EHMT1: variants seen among roughly 807,000 people sequenced by gnomAD.
The protein encoded by EHMT1 is histone-lysine N-methyltransferase EHMT1.
A neutral mutation model predicts 147.2 loss-of-function variants in EHMT1; 15 were observed. The ratio of observed to expected loss-of-function variants is 0.10; its 90% CI spans 0.07 to 0.16. The LOEUF (loss-of-function observed/expected upper bound fraction) is 0.16. EHMT1 is among the 10% of genes least tolerant of loss of function. EHMT1 has a pLI of 1.00. For synonymous variants in EHMT1, 795 were observed against 709.6 expected, an observed-to-expected ratio of 1.12 and a Z score of -1.91; for missense variants, 1,587 against 1,772.4, an observed-to-expected ratio of 0.90 and a Z score of 1.88.
rs532595235 is a variant in EHMT1, at chr9:137,749,027, A to G, written c.1171-3304A>G. Reference sequence around the variant, plus strand: ...TGGACCCTCTCCCCTCTTAGCCTGAATCTGTTAGTGAGCCTGGTGTCCAGA... The same window carrying G: ...TGGACCCTCTCCCCTCTTAGCCTGAGTCTGTTAGTGAGCCTGGTGTCCAGA... On this transcript the variant is annotated intron_variant, in intron 6 of 26. Coordinates refer to ENST00000460843, the MANE Select transcript of EHMT1 (RefSeq NM_024757.5). Among the ~76,000 whole-genome samples the G allele has an allele frequency of 4.6e-5, 7 of 152,110 alleles. No individual in the cohort carries two copies. The South Asian group carries it at 1.5e-3, about 32-fold the overall frequency.
chr9:137,726,632 G>A (rs956575363), intron 3 of EHMT1, among the ~76,000 whole-genome samples: 22 of 152,116 alleles, frequency 1.4e-4, no homozygotes, highest in South Asian at 4.1e-4. Flanking sequence ...GCTGGGGCAC[G>A]TGCCCAGCAG....
intron 25 of EHMT1, among the ~76,000 whole-genome samples, chr9:137,832,033 A>C (rs1328118901): frequency 1.5e-5 from 2 of 137,076 alleles, no homozygotes; most frequent in South Asian, 2.5e-4. Context: ...ACTTCGCCCC[A>C]GTCCTAGGAT....
chr9:137,743,627 G>A, intron 5 of EHMT1, 99 bp downstream of exon 5: 1 of 1,550,710 alleles, frequency 6.4e-7, no homozygotes, highest in African/African-American at 1.4e-5. Flanking sequence ...CAGTCCCCGG[G>A]AAGGTGCCAG....
chr9:137,817,080 G>A (rs927789122), intron 23 of EHMT1: 1 of 333,934 alleles, frequency 3.0e-6, no homozygotes, highest in East Asian at 7.5e-5. Context: ...GGCTGCAGGT[G>A]TCACCACAGC....
intron 18 of EHMT1, chr9:137,803,289 C>G: frequency 9.9e-7 from 1 of 1,009,664 alleles, no homozygotes; most frequent in Non-Finnish European, 1.2e-6. Flanking sequence ...AATTTTCACC[C>G]AGAAGCCATT....
rs146980173 is a variant in EHMT1 at position 137,678,595 on chromosome 9, G to T, written c.22-32372G>T. ...ATACCTTCTGAGATCCCTAGCTGAT[G>T]CCTGAAATCACAGATAGTACTGAAC... On this transcript the variant is annotated intron_variant, in intron 1 of 26. Transcript: ENST00000460843. Among the ~76,000 whole-genome samples, 29 of 152,200 alleles carry T rather than the reference G, an allele frequency of 1.9e-4. No homozygotes were observed. In the East Asian group the frequency reaches 4.2e-3, roughly 22 times the overall value.
intron 18 of EHMT1, among the ~76,000 whole-genome samples, chr9:137,805,115 CTGCATGTGTGTGT>C (rs1265129552): frequency 6.6e-6 from 1 of 151,320 alleles, no homozygotes; most frequent in African/African-American, 2.4e-5. Flanking sequence ...AGTCAGTCAT[CTGCATGTGTGTGT>C]CTCTCATCCG....
intron 1 of EHMT1, among the ~76,000 whole-genome samples, chr9:137,710,528 C>T (rs1012385025): frequency 1.3e-5 from 2 of 151,602 alleles, no homozygotes; most frequent in African/African-American, 4.8e-5. Context: ...TGCTTAATCT[C>T]AAAGATTTAG....
intron 25 of EHMT1, among the ~76,000 whole-genome samples, chr9:137,824,379 T>G (rs373179337): frequency 1.3e-5 from 2 of 152,244 alleles, no homozygotes; most frequent in East Asian, 3.8e-4. Context: ...TATTTGCTGA[T>G]CCTCAAACAA....
intron 16 of EHMT1, among the ~76,000 whole-genome samples, chr9:137,793,664 G>A (rs1230867189): frequency 2.0e-5 from 3 of 152,220 alleles, no homozygotes; most frequent in South Asian, 2.1e-4. Flanking sequence ...AGATGCCTGC[G>A]TCAGCACATT....
In EHMT1 at chr9:137,834,059, G is replaced by A. The variant is rs569274043; in HGVS notation, c.3541-290G>A. On this transcript the variant is annotated intron_variant, in intron 25 of 26. Coordinates refer to ENST00000460843, the MANE Select transcript of EHMT1 (RefSeq NM_024757.5). ...GATGGCGCTGTCCACATTCCACCGC[G>A]CTGGAAGCCCCATGGGGACGCCGTC... 5 of 510,500 alleles carry A rather than the reference G, an allele frequency of 9.8e-6. No homozygotes were observed. The Admixed American group carries it at 1.3e-4, about 13-fold the overall frequency. The allele number at this position is 510,500 out of a possible 1,614,324, so 31.6% of individuals were successfully genotyped here. A position where few individuals can be genotyped will look rare whatever the true frequency, so the allele number is the denominator to read the frequency against.
At chr9:137,790,208 T>C (rs1270174698) in intron 15 of EHMT1, among the ~76,000 whole-genome samples, 7 of 152,268 alleles carry the variant, frequency 4.6e-5, no homozygotes, top group African/African-American at 1.4e-4. Context: ...ACTAGGTCTT[T>C]GTCATCTAAG....
At chr9:137,665,222 T>G (rs1939502995) in intron 1 of EHMT1, among the ~76,000 whole-genome samples, 1 of 152,226 alleles carries the variant, frequency 6.6e-6, no homozygotes, top group East Asian at 1.9e-4. Flanking sequence ...CTTCAAATAT[T>G]TATTGTTTTG....
intron 10 of EHMT1, among the ~76,000 whole-genome samples, chr9:137,773,996 C>T (rs377078080): frequency 2.0e-5 from 3 of 152,310 alleles, no homozygotes; most frequent in East Asian, 3.9e-4. Flanking sequence ...CCTCCACAGG[C>T]GCCTTCAAGT....
In EHMT1 at chr9:137,712,802, T is replaced by A. The variant is rs13301597; in HGVS notation, c.85+1772T>A. 7.1e-3 allele frequency among the ~76,000 whole-genome samples: 1,085 copies of A among 152,302 alleles called. 8 individuals carry two copies. Among genetic ancestry groups the A allele is most frequent in the Non-Finnish European group, 0.012 (786 of 68,024 alleles). On this transcript the variant is annotated intron_variant, in intron 2 of 26. Coordinates refer to ENST00000460843, the MANE Select transcript of EHMT1 (RefSeq NM_024757.5). ...AAGTCCGACTTACCTGTTTTTTTCCTCCTTTTAGTTGCTGGTGCTTTTGGT... is the reference window on the plus strand; with the variant it reads ...AAGTCCGACTTACCTGTTTTTTTCCACCTTTTAGTTGCTGGTGCTTTTGGT...
At chr9:137,769,036 A>C (rs1019841897) in intron 10 of EHMT1, among the ~76,000 whole-genome samples, 1 of 152,102 alleles carries the variant, frequency 6.6e-6, no homozygotes, top group African/African-American at 2.4e-5. Context: ...AATTTATTTC[A>C]ATATTGGCTT....
At chr9:137,712,298 C>T (rs147157313) in intron 2 of EHMT1, among the ~76,000 whole-genome samples, 10 of 152,328 alleles carry the variant, frequency 6.6e-5, no homozygotes, top group Middle Eastern at 3.4e-3. Flanking sequence ...TATTCCATTA[C>T]GCTTTAGGCT....
chr9:137,625,337 T>C (rs1390811862), intron 1 of EHMT1, among the ~76,000 whole-genome samples: 1 of 152,062 alleles, frequency 6.6e-6, no homozygotes, highest in Non-Finnish European at 1.5e-5. Flanking sequence ...AATCTGAAGA[T>C]TGACACCCTT....
chr9:137,725,230 C>T (rs73669136), intron 3 of EHMT1, among the ~76,000 whole-genome samples: 1,796 of 149,778 alleles, frequency 0.012, 30 homozygotes, highest in African/African-American at 0.041. Flanking sequence ...ATGTGGCATT[C>T]GTGGGGCAGA....
Sources: allele counts gnomAD v4.1 joint callset (sites outside exome capture counted in the v4.1 genomes callset), GRCh38; gene constraint gnomAD v4.1.1; transcripts MANE v1.5; gene names NCBI Gene and HGNC (gene_info 2026-07-23, HGNC 2026-07-21).